The following PLCH2 variants were observed in gnomAD, a reference collection of about 807,000 sequenced individuals.
The protein encoded by PLCH2 is 1-phosphatidylinositol 4,5-bisphosphate phosphodiesterase eta-2.
PLCH2 carries 98 observed loss-of-function variants against 134.7 expected under a neutral mutation model. The ratio of observed to expected loss-of-function variants is 0.73; its 90% confidence interval spans 0.62 to 0.86. PLCH2 has a LOEUF of 0.86. Among genes scored for constraint, PLCH2 ranks in the 40% least tolerant of loss-of-function variants. The pLI is 0.00. For missense variants in PLCH2, 1,994 were observed against 1,986.6 expected (o/e 1.00, Z -0.07); for synonymous variants, 974 against 827.5 (o/e 1.18, Z -3.04).
chr1:2,425,164 CA>C (rs59406327), upstream of PLCH2, among the ~76,000 whole-genome samples: 2,064 of 86,472 alleles, frequency 0.024, 36 homozygotes, highest in African/African-American at 0.083. Context: ...CACTCCGTCT[CA>C]AAAAAAAAAA....
intron 2 of PLCH2, among the ~76,000 whole-genome samples, chr1:2,442,152 C>T (rs1639721144): frequency 6.6e-6 from 1 of 151,670 alleles, no homozygotes; most frequent in African/African-American, 2.4e-5. Context: ...CTCTGGGGCA[C>T]AGCCAAGCAA....
At chr1:2,423,913 G>A (rs1318589030), upstream of PLCH2, among the ~76,000 whole-genome samples, 1 of 152,142 alleles carries the variant, frequency 6.6e-6, no homozygotes, top group Admixed American at 6.5e-5. Flanking sequence ...CACCAGCTTA[G>A]TTCATTTTCC....
rs140352537 is a variant in PLCH2 at position 2,447,173 on chromosome 1, C to T, written c.115+16544C>T. Among the ~76,000 whole-genome samples the T allele has an allele frequency of 4.4e-3, 676 of 152,318 alleles. 5 individuals carry two copies. Among genetic ancestry groups the T allele is most frequent in the African/African-American group, 0.016 (651 of 41,570 alleles). ...TGCAGATCAGACTCTGTGCGTGAGG[C>T]TCCAGGAGGAGCCAGGCTTGATGGC... is the stretch of plus-strand genomic sequence containing the variant. On this transcript the variant is annotated intron_variant, in intron 2 of 3. Transcript: ENST00000609981.
upstream of PLCH2, among the ~76,000 whole-genome samples, chr1:2,471,460 C>A (rs1641322269): frequency 6.6e-6 from 1 of 152,250 alleles, no homozygotes; most frequent in Admixed American, 6.5e-5. Flanking sequence ...AGTTCCTGCA[C>A]CTTTCTGTGC....
intron 21 of PLCH2, 71 bp from the exon 22 acceptor site, chr1:2,503,849 CCT>C: frequency 1.5e-6 from 1 of 650,674 alleles, no homozygotes; most frequent in South Asian, 1.7e-5. Context: ...CTCCTCTCCG[CCT>C]CTCTCCCTGC....
rs1642794032 is a variant in PLCH2 at position 2,494,908 on chromosome 1, G to A, written c.1712G>A (p.Arg571His). The A allele has an allele frequency of 3.7e-6, 6 of 1,604,480 alleles. No individual in the cohort carries two copies. Among genetic ancestry groups the A allele is most frequent in the Non-Finnish European group, 5.1e-6 (6 of 1,176,846 alleles). ...GGGGAGGATGCCGGGGCCAGCAGAC[G>A]CAATGGCCGCCTCGTCGTGGGAAGC... is the stretch of plus-strand genomic sequence containing the variant. Reference protein sequence around the residue: ...ESGEDAGASRRNGRLVVGSFS... With the variant: ...ESGEDAGASRHNGRLVVGSFS... Residue 571 changes from arginine to histidine, a missense_variant, in exon 12 of 22, where the codon CGC (arginine) becomes CAC (histidine). Arg to His is a conservative substitution (Grantham distance 29). Transcript: ENST00000378486.
intron 2 of PLCH2, among the ~76,000 whole-genome samples, chr1:2,436,190 T>TACTCTGTTTCCTCCTC (rs1639343722): frequency 8.4e-6 from 1 of 118,696 alleles, no homozygotes; most frequent in Non-Finnish European, 1.8e-5. Context: ...CCTCCTTCCT[T>TACTCTGTTTCCTCCTC]CCTCTGTTTC....
chr1:2,464,384 T>G (rs1487328976), upstream of PLCH2, among the ~76,000 whole-genome samples: 1 of 152,214 alleles, frequency 6.6e-6, no homozygotes, highest in East Asian at 1.9e-4. Context: ...CGCAGGCTGG[T>G]GCATGGAGTG....
chr1:2,478,942 A>C, intron 2 of PLCH2: 63 of 333,718 alleles, frequency 1.9e-4, no homozygotes, highest in Non-Finnish European at 2.1e-4. Flanking sequence ...CTCCCCATAA[A>C]CAGAAACGAC....
intron 1 of PLCH2, among the ~76,000 whole-genome samples, chr1:2,427,155 G>C (rs1638837466): frequency 6.6e-6 from 1 of 152,228 alleles, no homozygotes; most frequent in South Asian, 2.1e-4. Flanking sequence ...AGCAGGAGGT[G>C]GCCTCTGTGT....
At chr1:2,418,167 G>A in the PLCH2 span, among the ~76,000 whole-genome samples, 5 of 152,200 alleles carry the variant, frequency 3.3e-5, no homozygotes, top group Non-Finnish European at 5.9e-5. Flanking sequence ...TCCGGGCAGA[G>A]CCCACGTTGC....
rs1639837491 is a variant in PLCH2, at chr1:2,444,307, C to A, written c.115+13678C>A. 6.6e-6 allele frequency among the ~76,000 whole-genome samples: 1 copy of A among 152,228 alleles called. No individual in the cohort carries two copies. Among genetic ancestry groups the A allele is most frequent in the African/African-American group, 2.4e-5 (1 of 41,460 alleles). Reference sequence around the variant, plus strand: ...CCCCTGCTGAGCCCAGGCCGGGCACCCCGATCCCTGCCGGATGGTGCCGCA... The same window carrying A: ...CCCCTGCTGAGCCCAGGCCGGGCACACCGATCCCTGCCGGATGGTGCCGCA... On this transcript the variant is annotated intron_variant, in intron 2 of 3. Coordinates refer to the PLCH2 transcript ENST00000609981. The surrounding 1 kb of genome is among the most constrained non-coding windows in gnomAD (Gnocchi z 4.6).
At chr1:2,480,041 G>T in intron 3 of PLCH2, 64 bp downstream of exon 3, 3 of 1,583,624 alleles carry the variant, frequency 1.9e-6, no homozygotes, top group South Asian at 1.1e-5. Context: ...GCTCACCCTG[G>T]GGGGGCCTGT....
upstream of PLCH2, among the ~76,000 whole-genome samples, chr1:2,424,389 G>A (rs1638668288): frequency 6.6e-6 from 1 of 152,072 alleles, no homozygotes; most frequent in Non-Finnish European, 1.5e-5. Flanking sequence ...CCCAAACCCT[G>A]GCCTCTAGGG....
intron 2 of PLCH2, among the ~76,000 whole-genome samples, chr1:2,452,290 G>GC (rs1246467406): frequency 2.6e-4 from 40 of 152,278 alleles, no homozygotes; most frequent in African/African-American, 9.1e-4. Flanking sequence ...TCCCCCTGCC[G>GC]CCCCCCATCC....
At chr1:2,473,509 G>A (rs894881120), upstream of PLCH2, among the ~76,000 whole-genome samples, 2 of 152,210 alleles carry the variant, frequency 1.3e-5, no homozygotes, top group Non-Finnish European at 2.9e-5. Context: ...GGCTGAAGCC[G>A]GCCAGACCCT....
intron 2 of PLCH2, among the ~76,000 whole-genome samples, chr1:2,456,843 C>G (rs139927551): frequency 6.6e-6 from 1 of 152,120 alleles, no homozygotes; most frequent in Non-Finnish European, 1.5e-5. Flanking sequence ...CGGAGGGGCC[C>G]GTGCTGGGTC....
chr1:2,441,173 GC>G (rs1241884703), intron 2 of PLCH2, among the ~76,000 whole-genome samples: 1 of 152,220 alleles, frequency 6.6e-6, no homozygotes, highest in Non-Finnish European at 1.5e-5. Flanking sequence ...TCTGAGGAAA[GC>G]CCCTAGAGGG....
Position 2,505,476 on chromosome 1 carries a change from T to G in PLCH2, c.*263T>G. On this transcript the variant is annotated 3_prime_UTR_variant, in exon 22 of 22. Transcript: ENST00000378486. ...TTAGGATCTGTACATAGAGAAATATTTAAATTTTTAGAAGCAAAACTTATA... is the reference window on the plus strand; with the variant it reads ...TTAGGATCTGTACATAGAGAAATATGTAAATTTTTAGAAGCAAAACTTATA... 1 of 512,624 alleles carries G rather than the reference T, an allele frequency of 2.0e-6. No individual in the cohort carries two copies. The highest frequency in any genetic ancestry group is 3.4e-6 in the Non-Finnish European group (1 of 293,124). The allele number at this position is 512,624 out of a possible 1,614,324, so 31.8% of individuals were successfully genotyped here. A position where few individuals can be genotyped will look rare whatever the true frequency, so the allele number is the denominator to read the frequency against.
Sources: allele counts gnomAD v4.1 joint callset (sites outside exome capture counted in the v4.1 genomes callset), GRCh38; gene constraint gnomAD v4.1.1; non-coding constraint Gnocchi (gnomAD v3.1); transcripts MANE v1.5; gene names NCBI Gene and HGNC (gene_info 2026-07-23, HGNC 2026-07-21).